Variants in B4GALNT3 observed in about 807,000 individuals in gnomAD.
B4GALNT3 encodes beta-1,4-N-acetyl-galactosaminyltransferase 3, also known as beta-1,4-N-acetylgalactosaminyltransferase 3.
B4GALNT3 carries 86 observed loss-of-function variants against 120.2 expected under a neutral mutation model. That is an observed-to-expected ratio of 0.72 (90% CI 0.60 to 0.86). The LOEUF is 0.86. Ranked by LOEUF, B4GALNT3 falls within the 40% of genes least tolerant of loss-of-function variation. The pLI is 0.00. For synonymous variants in B4GALNT3, 518 were observed against 510.4 expected, an observed-to-expected ratio of 1.01 and a Z score of -0.20; for missense variants, 1,167 against 1,298.9, an observed-to-expected ratio of 0.90 and a Z score of 1.56.
chr12:559,209 G>A, intron 18 of B4GALNT3, 86 bp from the exon 19 acceptor site: 1 of 1,558,792 alleles, frequency 6.4e-7, no homozygotes, highest in Non-Finnish European at 8.8e-7. Flanking sequence ...TTTCAGAAGA[G>A]CCTCTAGGCA....
In B4GALNT3 at chr12:550,921, G is replaced by A; in HGVS notation, c.998-1G>A. The A allele has an allele frequency of 6.2e-7, 1 of 1,609,074 alleles. No individual in the cohort carries two copies. Among genetic ancestry groups the A allele is most frequent in the Non-Finnish European group, 8.5e-7 (1 of 1,175,398 alleles). On this transcript the variant is annotated splice_acceptor_variant, in intron 10 of 19. Coordinates refer to ENST00000266383, the MANE Select transcript of B4GALNT3 (RefSeq NM_173593.4). LOFTEE classifies it high-confidence loss of function. This position sits in a 1 kb window ranked among gnomAD's most constrained non-coding sequence, Gnocchi z 4.1. Reference sequence around the variant, plus strand: ...CACTCCTCCTCCTCCACTGTCCTCAGTGCCTCTGATCCCCAAGTCGCATCT... The same window carrying A: ...CACTCCTCCTCCTCCACTGTCCTCAATGCCTCTGATCCCCAAGTCGCATCT...
At chr12:545,708 A>ATGGGGAGGAGCGAGGTG (rs1946990231) in intron 6 of B4GALNT3, among the ~76,000 whole-genome samples, 1 of 93,886 alleles carries the variant, frequency 1.1e-5, no homozygotes, top group African/African-American at 5.5e-5. Context: ...GGAGTGAGGA[A>ATGGGGAGGAGCGAGGTG]TGGGGAGGAG....
chr12:554,770 A>G (rs1306308829), intron 14 of B4GALNT3, among the ~76,000 whole-genome samples: 1 of 110,688 alleles, frequency 9.0e-6, no homozygotes, highest in African/African-American at 4.1e-5. Flanking sequence ...AGCCTGGGCG[A>G]CAGAGCAAGA....
rs753788932 is a variant in B4GALNT3 at position 546,744 on chromosome 12, CGCCTCGGT to C, written c.707+41_707+48del. ...TGAGGGTCAGGACAGGCGCTGTGGG[CGCCTCGGT>C]GCCTCGGTGGAGCCCGGCTGCGCCC... On this transcript the variant is annotated intron_variant, in intron 7 of 19. Coordinates refer to ENST00000266383, the MANE Select transcript of B4GALNT3 (RefSeq NM_173593.4). 4.5e-6 allele frequency: 7 copies of C among 1,543,900 alleles called. No individual in the cohort carries two copies. In the African/African-American group the frequency reaches 5.5e-5, roughly 12 times the overall value.
rs753477715 is a variant in B4GALNT3, at chr12:553,331, T to A, written c.1408T>A (p.Tyr470Asn). 1 of 1,613,720 alleles carries A rather than the reference T, an allele frequency of 6.2e-7. No individual in the cohort carries two copies. Among genetic ancestry groups the A allele is most frequent in the Admixed American group, 1.7e-5 (1 of 60,034 alleles). The change falls in exon 14 of 20, where the codon TAC (tyrosine) becomes AAC (asparagine). Residue 470 changes from tyrosine (Y) to asparagine (N), a missense_variant. Physicochemically the swap from Tyr to Asn is moderately radical, Grantham distance 143. Coordinates refer to ENST00000266383, the MANE Select transcript of B4GALNT3 (RefSeq NM_173593.4). ...CACCCTGGAGCAAGATGCCACTGACTACCGCCTCCGAAGCCTGCGGAAACT... is the reference window on the plus strand; with the variant it reads ...CACCCTGGAGCAAGATGCCACTGACAACCGCCTCCGAAGCCTGCGGAAACT... ...ASTLEQDATD[Y>N]RLRSLRKLLA...
At chr12:471,279 G>T (rs1946132822) in intron 1 of B4GALNT3, among the ~76,000 whole-genome samples, 1 of 151,530 alleles carries the variant, frequency 6.6e-6, no homozygotes, top group African/African-American at 2.4e-5. Flanking sequence ...AAGCTACTCG[G>T]GAGGCTGAGG....
chr12:513,354 G>C (rs1040870094), intron 1 of B4GALNT3, among the ~76,000 whole-genome samples: 6 of 152,250 alleles, frequency 3.9e-5, no homozygotes, highest in African/African-American at 1.4e-4. Context: ...AAGGCTGCTG[G>C]TTGCCCATTT....
chr12:466,386 C>T (rs1946081466), intron 1 of B4GALNT3, among the ~76,000 whole-genome samples: 1 of 152,142 alleles, frequency 6.6e-6, no homozygotes, highest in African/African-American at 2.4e-5. Flanking sequence ...GTCTAGTTCT[C>T]CTCTGCAGCG....
intron 1 of B4GALNT3, among the ~76,000 whole-genome samples, chr12:463,551 T>G (rs1011575027): frequency 2.6e-5 from 4 of 152,154 alleles, no homozygotes; most frequent in African/African-American, 4.8e-5. Flanking sequence ...ATCTACAGCT[T>G]CATTTAGGAG....
At chr12:506,698 G>A (rs1203846628) in intron 1 of B4GALNT3, among the ~76,000 whole-genome samples, 13 of 152,012 alleles carry the variant, frequency 8.6e-5, no homozygotes, top group Admixed American at 4.6e-4. Context: ...GTGCAGTGGC[G>A]CGGTCTCGGC....
chr12:557,226 C>T (rs1281607745), intron 15 of B4GALNT3, among the ~76,000 whole-genome samples: 1 of 152,092 alleles, frequency 6.6e-6, no homozygotes, highest in Non-Finnish European at 1.5e-5. Context: ...GAAGGAGGAA[C>T]ACACAACAGG....
At chr12:488,552 T>C (rs1393678821) in intron 1 of B4GALNT3, among the ~76,000 whole-genome samples, 3 of 152,232 alleles carry the variant, frequency 2.0e-5, no homozygotes, top group Non-Finnish European at 4.4e-5. Flanking sequence ...TATTTTGTTA[T>C]TGTAAAGTAC....
chr12:517,075 A>G (rs1946664497), intron 1 of B4GALNT3, among the ~76,000 whole-genome samples: 1 of 152,136 alleles, frequency 6.6e-6, no homozygotes, highest in African/African-American at 2.4e-5. Flanking sequence ...GAGTTAGGTT[A>G]AGTTTCAGAT....
At chr12:510,289 A>T (rs1376531485) in intron 1 of B4GALNT3, among the ~76,000 whole-genome samples, 2 of 152,144 alleles carry the variant, frequency 1.3e-5, no homozygotes, top group East Asian at 3.9e-4. Flanking sequence ...TGCCATGCTG[A>T]GCTAGCTGCC....
chr12:547,933 G>A, intron 7 of B4GALNT3, 91 bp from the exon 8 acceptor site: 1 of 1,043,984 alleles, frequency 9.6e-7, no homozygotes, highest in Admixed American at 1.8e-5. Context: ...AGGGATGAGG[G>A]AGTGTAAGGT....
intron 7 of B4GALNT3, 125 bp from the exon 8 acceptor site, chr12:547,899 C>T (rs376748884): frequency 1.5e-5 from 12 of 792,138 alleles, no homozygotes; most frequent in East Asian, 5.3e-5. Flanking sequence ...GCAGTTAACT[C>T]CTGGCATTCT....
chr12:508,031 TG>T (rs1399460736), intron 1 of B4GALNT3, among the ~76,000 whole-genome samples: 8 of 152,204 alleles, frequency 5.3e-5, no homozygotes, highest in Admixed American at 2.6e-4. Flanking sequence ...TACTAACCTG[TG>T]AAAGAAATTT....
intron 1 of B4GALNT3, among the ~76,000 whole-genome samples, chr12:522,420 A>G (rs1946719257): frequency 6.6e-6 from 1 of 152,222 alleles, no homozygotes; most frequent in Non-Finnish European, 1.5e-5. Flanking sequence ...AAGGAAAAAT[A>G]TTGTATGATT....
intron 3 of B4GALNT3, among the ~76,000 whole-genome samples, chr12:541,841 A>T (rs886451657): frequency 3.4e-5 from 2 of 59,164 alleles, no homozygotes; most frequent in Non-Finnish European, 6.7e-5. Context: ...CCCCCCCCTC[A>T]CCCCCCCCCA....
Sources: allele counts gnomAD v4.1 joint callset (sites outside exome capture counted in the v4.1 genomes callset), GRCh38; gene constraint gnomAD v4.1.1; non-coding constraint Gnocchi (gnomAD v3.1); transcripts MANE v1.5; gene names NCBI Gene and HGNC (gene_info 2026-07-23, HGNC 2026-07-21).